The following CNTRL variants were observed in gnomAD, a reference collection of about 807,000 sequenced individuals.
CNTRL encodes 110 kDa centrosomal protein.
A neutral mutation model predicts 303.7 loss-of-function variants in CNTRL; 233 were observed. The ratio of observed to expected loss-of-function variants is 0.77; its 90% confidence interval spans 0.69 to 0.86. The LOEUF is 0.86. Ranked by LOEUF, CNTRL falls within the 40% of genes least tolerant of loss-of-function variation. The probability of loss-of-function intolerance (pLI) is 0.00; values close to 1 mark genes in which losing one functional copy is unlikely to be tolerated. For missense variants in CNTRL, 2,524 were observed against 2,650.6 expected, an observed-to-expected ratio of 0.95 and a Z score of 1.05; for synonymous variants, 900 against 922.2, an observed-to-expected ratio of 0.98 and a Z score of 0.44.
rs1014696259 is a variant in CNTRL at position 121,083,232 on chromosome 9, A to G, written c.-32+2754A>G. Among the ~76,000 whole-genome samples the G allele has an allele frequency of 4.6e-5, 7 of 152,298 alleles. No individual in the cohort carries two copies. The East Asian group carries it at 1.2e-3, about 25-fold the overall frequency. On this transcript the variant is annotated intron_variant, in intron 2 of 43. Coordinates refer to ENST00000373855, the MANE Select transcript of CNTRL (RefSeq NM_007018.6). ...TAGTAAATTAGCCTTAGCTTGCTGT[A>G]ATGTTTTTACTTTATAAACTTTAAA... is the stretch of plus-strand genomic sequence containing the variant.
chr9:121,176,490 C>G (rs1001753760), intron 43 of CNTRL, among the ~76,000 whole-genome samples: 7 of 152,050 alleles, frequency 4.6e-5, no homozygotes, highest in Non-Finnish European at 8.8e-5. Flanking sequence ...GGGCAGGGTT[C>G]GAGGAGGAGT....
chr9:121,075,305 G>A (rs991067575), intron 1 of CNTRL, among the ~76,000 whole-genome samples: 1 of 152,232 alleles, frequency 6.6e-6, no homozygotes, highest in Non-Finnish European at 1.5e-5. Context: ...GACGGCGGGG[G>A]CGATTGGGGA....
At position 121,135,803 on chromosome 9, in the gene CNTRL, T is replaced by C; in HGVS notation, c.2026-3T>C. 1 of 1,606,792 alleles carries C rather than the reference T, an allele frequency of 6.2e-7. No homozygotes were observed. The highest frequency in any genetic ancestry group is 1.3e-5 in the African/African-American group (1 of 74,656). ...CATAGTTAAACCCACTGAATCTTTC[T>C]AGGAGCTTGCAGAGCTAGAAAGTGC... On this transcript the variant is annotated splice_polypyrimidine_tract_variant and splice_region_variant and intron_variant, in intron 14 of 43. Coordinates refer to ENST00000373855, the MANE Select transcript of CNTRL (RefSeq NM_007018.6).
intron 10 of CNTRL, among the ~76,000 whole-genome samples, 193 bp downstream of exon 10, chr9:121,113,917 G>C (rs2133172566): frequency 6.6e-6 from 1 of 152,250 alleles, no homozygotes; most frequent in Middle Eastern, 3.4e-3. Flanking sequence ...TTATGGTTAA[G>C]AATGGAGTTT....
chr9:121,133,801 T>C lies in CNTRL; in HGVS notation c.2026-2005T>C, dbSNP rs1248613554. Among the ~76,000 whole-genome samples, 4 of 152,342 alleles carry C rather than the reference T, an allele frequency of 2.6e-5. No homozygotes were observed. In the East Asian group the frequency reaches 7.7e-4, roughly 29 times the overall value. On this transcript the variant is annotated intron_variant, in intron 14 of 43. Coordinates refer to ENST00000373855, the MANE Select transcript of CNTRL (RefSeq NM_007018.6). Reference sequence around the variant, plus strand: ...CATCTCGGAACGGGATTCAATTTTATATATATTTTTATACAGATTTTTTTT... The same window carrying C: ...CATCTCGGAACGGGATTCAATTTTACATATATTTTTATACAGATTTTTTTT...
rs570320783 is a variant in CNTRL at position 121,118,370 on chromosome 9, C to G, written c.1480C>G (p.Leu494Val). ...GATTTCAGAAGCAGGGAAAGACCTT[C>G]TTTACAAGCAGTTGAGTGGTAGACT... ...KKISEAGKDL[L>V]YKQLSGRLQL... Residue 494 changes from leucine (L) to valine (V), a missense_variant, in exon 12 of 44, where the codon CTT (leucine) becomes GTT (valine). Physicochemically the swap from Leu to Val is conservative, Grantham distance 32 (BLOSUM62 1). Transcript: ENST00000373855. 3 of 1,599,632 alleles carry G rather than the reference C, an allele frequency of 1.9e-6. No individual in the cohort carries two copies. Among genetic ancestry groups the G allele is most frequent in the African/African-American group, 2.7e-5 (2 of 74,354 alleles).
At chr9:121,157,363 C>T in intron 27 of CNTRL, 107 bp from the exon 28 acceptor site, 1 of 1,138,092 alleles carries the variant, frequency 8.8e-7, no homozygotes, top group Non-Finnish European at 1.2e-6. Context: ...ATTTTTATGT[C>T]TTTCTGTACC....
At chr9:121,104,495 A>T (rs563964911) in intron 7 of CNTRL, among the ~76,000 whole-genome samples, 139 of 152,328 alleles carry the variant, frequency 9.1e-4, no homozygotes, top group African/African-American at 3.2e-3. Flanking sequence ...CGTTGTGCAC[A>T]TGTACCCTAG....
chr9:121,090,336 A>G lies in CNTRL; in HGVS notation c.279A>G (p.Lys93=), dbSNP rs2048511190. Reference sequence around the variant, plus strand: ...AGGCCCTCATTAAAAAACTTACTAAACAGGATAATTTGGCTTTGATAAAAT... The same window carrying G: ...AGGCCCTCATTAAAAAACTTACTAAGCAGGATAATTTGGCTTTGATAAAAT... ...ITEALIKKLT[K]QDNLALIKSL... is the part of the protein sequence containing the mutation. The change falls in exon 4 of 44, where the codon AAA becomes AAG. Residue 93 remains lysine, a synonymous_variant. Transcript: ENST00000373855. The G allele has an allele frequency of 1.9e-6, 3 of 1,612,820 alleles. No homozygotes were observed. Among genetic ancestry groups the G allele is most frequent in the Non-Finnish European group, 2.5e-6 (3 of 1,179,334 alleles).
chr9:121,096,574 C>A lies in CNTRL; in HGVS notation c.621+11C>A. Reference sequence around the variant, plus strand: ...AACAAGATATCATCGGTAAGTTATTCAAAATAGCAGGAATTTTTAGACTTG... The same window carrying A: ...AACAAGATATCATCGGTAAGTTATTAAAAATAGCAGGAATTTTTAGACTTG... On this transcript the variant is annotated intron_variant, in intron 6 of 43. Transcript: ENST00000373855. The A allele has an allele frequency of 2.1e-6, 3 of 1,413,044 alleles. No individual in the cohort carries two copies. The highest frequency in any genetic ancestry group is 3.6e-5 in the South Asian group (2 of 54,992). The allele number at this position is 1,413,044 out of a possible 1,614,324, so 87.5% of individuals were successfully genotyped here.
Position 121,173,883 on chromosome 9 carries a change from G to A in CNTRL, c.6747+146G>A, listed in dbSNP as rs2053416525. ...TCAGGGATGGCATGTCTGAAGCTTC[G>A]AGGAGTTGGTGTCACACAGTAAATG... On this transcript the variant is annotated intron_variant, in intron 42 of 43. Coordinates refer to ENST00000373855, the MANE Select transcript of CNTRL (RefSeq NM_007018.6). The A allele has an allele frequency of 1.7e-5, 13 of 768,750 alleles. No individual in the cohort carries two copies. The South Asian group carries it at 1.8e-4, about 11-fold the overall frequency. 47.6% of individuals were successfully genotyped at this position (768,750 alleles called of 1,614,324 possible).
At chr9:121,110,687 T>C (rs758859112) in intron 8 of CNTRL, among the ~76,000 whole-genome samples, 2 of 151,868 alleles carry the variant, frequency 1.3e-5, no homozygotes, top group Non-Finnish European at 2.9e-5. Flanking sequence ...AATGTGGTTG[T>C]GTGCGTATGT....
rs780981412 is a variant in CNTRL, at chr9:121,177,278, A to G, written c.*92A>G. 2.8e-5 allele frequency: 30 copies of G among 1,076,658 alleles called. No homozygotes were observed. Among genetic ancestry groups the G allele is most frequent in the Admixed American group, 5.9e-5 (3 of 50,736 alleles). 66.7% of individuals were successfully genotyped at this position (1,076,658 alleles called of 1,614,324 possible). ...GAATGTCACATGGTTTTTTTAATCA[A>G]GATGCAGTGAACTGAGATTCTGAAA... On this transcript the variant is annotated 3_prime_UTR_variant, in exon 44 of 44. Transcript: ENST00000373855.
chr9:121,113,845 CTA>C lies in CNTRL; in HGVS notation c.1345+122_1345+123del, dbSNP rs1191662132. 19 of 575,924 alleles carry C rather than the reference CTA, an allele frequency of 3.3e-5. No individual in the cohort carries two copies. The South Asian group carries it at 6.3e-4, about 19-fold the overall frequency. The allele number at this position is 575,924 out of a possible 1,614,324, so 35.7% of individuals were successfully genotyped here. A position where few individuals can be genotyped will look rare whatever the true frequency, so the allele number is the denominator to read the frequency against. On this transcript the variant is annotated intron_variant, in intron 10 of 43. Transcript: ENST00000373855. ...TGATGGTATTGTTTCCATGAAAAGT[CTA>C]AAACAAAAGTAGTGATTATCAAGCA... is the stretch of plus-strand genomic sequence containing the variant.
At chr9:121,168,375 GT>G in intron 38 of CNTRL, 54 bp downstream of exon 38, 1 of 1,517,688 alleles carries the variant, frequency 6.6e-7, no homozygotes, top group Non-Finnish European at 9.1e-7. Flanking sequence ...GGCTCTGCTG[GT>G]TGTCTTGCAA....
rs2051529073 is a variant in CNTRL at position 121,141,758 on chromosome 9, A to G, written c.2691+170A>G. ...AAACTCAACCCTGAATGTGGTTATA[A>G]TGTCAAAGTCAGGCTTGTTTGTGAC... is the stretch of plus-strand genomic sequence containing the variant. On this transcript the variant is annotated intron_variant, in intron 18 of 43. Coordinates refer to ENST00000373855, the MANE Select transcript of CNTRL (RefSeq NM_007018.6). 1.0e-5 allele frequency: 7 copies of G among 697,176 alleles called. 1 individual carries two copies. The highest frequency in any genetic ancestry group is 1.7e-5 in the Non-Finnish European group (7 of 421,802). 43.2% of individuals were successfully genotyped at this position (697,176 alleles called of 1,614,324 possible).
In CNTRL at chr9:121,140,674, G is replaced by A; in HGVS notation, c.2371G>A (p.Asp791Asn). 2 of 1,613,082 alleles carry A rather than the reference G, an allele frequency of 1.2e-6. No homozygotes were observed. The highest frequency in any genetic ancestry group is 1.7e-6 in the Non-Finnish European group (2 of 1,179,306). ...DNNLLKQQLK[D>N]FQNHLNHVVD... ...TAATCTGTTAAAACAGCAACTTAAA[G>A]ATTTCCAGAATCACCTTAACCATGT... Residue 791 changes from aspartate (D) to asparagine (N), a missense_variant, in exon 17 of 44, where the codon GAT becomes AAT. By Grantham distance (23) the Asp-to-Asn change is conservative. Transcript: ENST00000373855.
Position 121,088,561 on chromosome 9 carries a change from A to G in CNTRL, c.217+18A>G. 1 of 1,545,580 alleles carries G rather than the reference A, an allele frequency of 6.5e-7. No homozygotes were observed. Among genetic ancestry groups the G allele is most frequent in the Non-Finnish European group, 8.9e-7 (1 of 1,121,040 alleles). On this transcript the variant is annotated intron_variant, in intron 3 of 43. Coordinates refer to ENST00000373855, the MANE Select transcript of CNTRL (RefSeq NM_007018.6). ...CCATAAAGGTATCACTTTTTAATCT[A>G]AGAATTGGTCTGACCACATACTTCA... is the stretch of plus-strand genomic sequence containing the variant.
rs1467282147 is a variant in CNTRL, at chr9:121,169,741, GAA to G, written c.6203_6204del (p.Lys2068SerfsTer2). The G allele has an allele frequency of 6.2e-7, 1 of 1,614,070 alleles. No homozygotes were observed. Among genetic ancestry groups the G allele is most frequent in the Non-Finnish European group, 8.5e-7 (1 of 1,180,034 alleles). On this transcript the variant is annotated frameshift_variant, in exon 39 of 44. Transcript: ENST00000373855. LOFTEE classifies it high-confidence loss of function. ...LRNQFLTERK[K>X]AEKQVASLKE... ...GGAACCAGTTCTTGACAGAAAGAAAGAAAGCTGAGAAGCAGGTGGCCAGCCTG... is the reference window on the plus strand; with the variant it reads ...GGAACCAGTTCTTGACAGAAAGAAAGAGCTGAGAAGCAGGTGGCCAGCCTG...
Sources: gnomAD v4.1 joint callset for allele counts (sites outside exome capture counted in the v4.1 genomes callset) on GRCh38, gnomAD v4.1.1 for gene constraint, MANE v1.5 for transcripts, NCBI Gene and HGNC (gene_info 2026-07-23, HGNC 2026-07-21) for gene names.